Variants in MROH1 observed in about 807,000 individuals in gnomAD.
MROH1 encodes maestro heat like repeat family member 1, also known as maestro heat-like repeat-containing protein family member 1.
MROH1 carries 117 observed loss-of-function variants against 116.5 expected under a neutral mutation model. That is an observed-to-expected ratio of 1.00 (90% confidence interval 0.86 to 1.17). The LOEUF is 1.17. Among genes scored for constraint, MROH1 ranks in the 50% most tolerant of loss-of-function variants. The pLI, the probability that MROH1 is intolerant of heterozygous loss-of-function variation, is 0.00. For synonymous variants in MROH1, 921 were observed against 583.9 expected, an observed-to-expected ratio of 1.58 and a Z score of -8.32; for missense variants, 1,873 against 1,338.5, an observed-to-expected ratio of 1.40 and a Z score of -6.23.
chr8:144,208,174 C>T (rs1027137284), intron 12 of MROH1, among the ~76,000 whole-genome samples: 1 of 152,036 alleles, frequency 6.6e-6, no homozygotes, highest in Non-Finnish European at 1.5e-5. Flanking sequence ...AAACTCCTGA[C>T]CTCAGGTGAT....
At chr8:144,151,739 C>T (rs1212794855) in intron 1 of MROH1, among the ~76,000 whole-genome samples, 1 of 152,210 alleles carries the variant, frequency 6.6e-6, no homozygotes, top group Non-Finnish European at 1.5e-5. Flanking sequence ...CCCACTGGGG[C>T]TTCAGGTGTA....
At chr8:144,252,771 A>T (rs1843052175) in intron 33 of MROH1, 1 of 151,202 alleles carries the variant, frequency 6.6e-6, no homozygotes, top group Admixed American at 6.6e-5. Context: ...AGCCTGACCA[A>T]CGTGGTGAAA....
intron 13 of MROH1, 26 bp downstream of exon 13, chr8:144,220,699 T>C: frequency 6.4e-7 from 1 of 1,554,978 alleles, no homozygotes; most frequent in South Asian, 1.2e-5. Flanking sequence ...CAGCCCAGGC[T>C]GCACCACCAC....
chr8:144,159,907 A>G (rs1819095844), intron 1 of MROH1, among the ~76,000 whole-genome samples: 1 of 151,776 alleles, frequency 6.6e-6, no homozygotes, highest in African/African-American at 2.4e-5. Flanking sequence ...AGCTGGGACT[A>G]CAGGGGCCCG....
intron 14 of MROH1, among the ~76,000 whole-genome samples, chr8:144,225,010 T>C (rs1352092820): frequency 2.0e-5 from 3 of 152,164 alleles, no homozygotes; most frequent in Non-Finnish European, 1.5e-5. Flanking sequence ...CACCTAACTT[T>C]CTTTTTTTTT....
chr8:144,234,498 G>GTTTTTTTTTTTATTTTTTTT (rs1839631949), intron 14 of MROH1, among the ~76,000 whole-genome samples: 1 of 18,090 alleles, frequency 5.5e-5, no homozygotes, highest in Non-Finnish European at 1.2e-4. Flanking sequence ...TTTCTTTTTC[G>GTTTTTTTTTTTATTTTTTTT]TTTTTTTTTT....
At chr8:144,160,516 C>A (rs1040436647) in intron 1 of MROH1, among the ~76,000 whole-genome samples, 1 of 152,256 alleles carries the variant, frequency 6.6e-6, no homozygotes, top group Non-Finnish European at 1.5e-5. Flanking sequence ...CCTTAAGCAA[C>A]ACAAATTTAT....
rs995237845 is a variant in MROH1, at chr8:144,254,059, G to A, written c.3429-754G>A. 8.3e-3 allele frequency among the ~76,000 whole-genome samples: 1,260 copies of A among 152,184 alleles called. 15 individuals carry two copies. The highest frequency in any genetic ancestry group is 0.029 in the African/African-American group (1,191 of 41,520). ...ACAGCCATTGTTTCCTCTGCCTCTG[G>A]GACATCCATCAAATGTACGTTAGCC... On this transcript the variant is annotated intron_variant, in intron 33 of 43. Coordinates refer to ENST00000326134, the MANE Select transcript of MROH1 (RefSeq NM_032450.3).
chr8:144,253,345 A>G (rs1843155859), intron 33 of MROH1, among the ~76,000 whole-genome samples: 1 of 152,250 alleles, frequency 6.6e-6, no homozygotes. Context: ...GTCCACTTCC[A>G]CGCTGTCTGT....
At chr8:144,254,575 T>TGTATAGGCCCAGATTTTTC (rs1843369886) in intron 33 of MROH1, 1 of 532,568 alleles carries the variant, frequency 1.9e-6, no homozygotes, top group Non-Finnish European at 3.4e-6. Context: ...GGGCCCTGTG[T>TGTATAGGCCCAGATTTTTC]GTATAGGCCC....
rs1412337631 is a variant in MROH1, at chr8:144,190,921, A to G, written c.700A>G (p.Ser234Gly). Reference protein sequence around the residue: ...YDVLFHQWLQSREAKLRLAVV... With the variant: ...YDVLFHQWLQGREAKLRLAVV... ...TGTTCTCTTCCATCAGTGGCTGCAG[A>G]GTCGAGAAGCCAAGGTATGCCCCGT... is the stretch of plus-strand genomic sequence containing the variant. The change falls in exon 8 of 44, where the codon AGT becomes GGT. Residue 234 changes from serine (S) to glycine (G), a missense_variant. Transcript: ENST00000326134. The G allele has an allele frequency of 6.2e-7, 1 of 1,613,128 alleles. No individual in the cohort carries two copies. The highest frequency in any genetic ancestry group is 2.2e-5 in the East Asian group (1 of 44,884).
intron 12 of MROH1, among the ~76,000 whole-genome samples, chr8:144,209,751 A>T (rs1588191515): frequency 2.6e-5 from 4 of 151,634 alleles, no homozygotes; most frequent in African/African-American, 9.7e-5. Context: ...TCTACTAAAA[A>T]TAAAAAAAGC....
Position 144,180,535 on chromosome 8 carries a change from C to G in MROH1, c.562+12C>G. The G allele has an allele frequency of 2.5e-6, 4 of 1,605,794 alleles. No individual in the cohort carries two copies. The highest frequency in any genetic ancestry group is 2.2e-5 in the South Asian group (2 of 90,988). The stretch of plus-strand genomic sequence containing the variant: ...GGCCTTCTGCTCCGGTAAGAGGCGG[C>G]CTCGTCACCTTCTGTCTCAAGTGCC... On this transcript the variant is annotated intron_variant, in intron 7 of 43. Transcript: ENST00000326134. The surrounding 1 kb of genome is among the most constrained non-coding windows in gnomAD (Gnocchi z 7.4).
intron 14 of MROH1, among the ~76,000 whole-genome samples, chr8:144,235,696 G>T (rs1323541303): frequency 6.6e-6 from 1 of 152,154 alleles, no homozygotes; most frequent in Non-Finnish European, 1.5e-5. Context: ...CTTGGTCATG[G>T]TGTATAATCG....
rs748065827 is a variant in MROH1, at chr8:144,163,682, T to C, written c.-56-89T>C. On this transcript the variant is annotated intron_variant, in intron 2 of 43. Coordinates refer to ENST00000326134, the MANE Select transcript of MROH1 (RefSeq NM_032450.3). The surrounding 1 kb of genome is among the most constrained non-coding windows in gnomAD (Gnocchi z 4.4). ...TCCCCCAGAATAAATTCATTTAAAT[T>C]GTGTATTTTACATGGAAATGGTAAT... The C allele has an allele frequency of 8.5e-5, 67 of 789,178 alleles. No individual in the cohort carries two copies. Among genetic ancestry groups the C allele is most frequent in the Middle Eastern group, 2.4e-4 (1 of 4,218 alleles). The allele number at this position is 789,178 out of a possible 1,614,324, so 48.9% of individuals were successfully genotyped here.
intron 36 of MROH1, 84 bp from the exon 37 acceptor site, chr8:144,259,156 A>G (rs1207878615): frequency 1.4e-6 from 1 of 702,208 alleles, no homozygotes; most frequent in Non-Finnish European, 2.6e-6. Context: ...GGTGGAGCGG[A>G]CCAGGGCTGT....
rs1262104710 is a variant in MROH1, at chr8:144,232,470, G to GTTTA, written c.1339-6283_1339-6282insATTT. The stretch of plus-strand genomic sequence containing the variant: ...GTAGATTAGATTGAGTGCTTTGTTT[G>GTTTA]TTTGTTTATTTATTTATTTATTTAT... On this transcript the variant is annotated intron_variant, in intron 14 of 43. Coordinates refer to ENST00000326134, the MANE Select transcript of MROH1 (RefSeq NM_032450.3). 5.4e-3 allele frequency among the ~76,000 whole-genome samples: 809 copies of GTTTA among 148,450 alleles called. 9 individuals carry two copies. The highest frequency in any genetic ancestry group is 0.02 in the African/African-American group (755 of 38,520).
chr8:144,202,118 C>T (rs1831310803), intron 12 of MROH1, among the ~76,000 whole-genome samples: 1 of 152,210 alleles, frequency 6.6e-6, no homozygotes, highest in Non-Finnish European at 1.5e-5. Flanking sequence ...GGTGTAGGCA[C>T]CTCAGGACAC....
intron 14 of MROH1, among the ~76,000 whole-genome samples, chr8:144,235,171 C>T (rs1274527966): frequency 6.6e-6 from 1 of 152,234 alleles, no homozygotes; most frequent in African/African-American, 2.4e-5. Flanking sequence ...GCAAGGATTA[C>T]AGGCATAAGC....
Sources: gnomAD v4.1 joint callset for allele counts (sites outside exome capture counted in the v4.1 genomes callset) on GRCh38, gnomAD v4.1.1 for gene constraint, Gnocchi (gnomAD v3.1) non-coding constraint, MANE v1.5 for transcripts, NCBI Gene and HGNC (gene_info 2026-07-23, HGNC 2026-07-21) for gene names.